Variants in TRAPPC6B observed in about 807,000 individuals in gnomAD.
TRAPPC6B encodes trafficking protein particle complex subunit 6B, also known as TRAPP complex subunit 6B.
In TRAPPC6B, 27 loss-of-function variants were observed where a neutral mutation model predicts 24.7. The ratio of observed to expected loss-of-function variants is 1.09; its 90% confidence interval spans 0.81 to 1.51. TRAPPC6B has a LOEUF of 1.51. Ranked by LOEUF, TRAPPC6B falls within the 40% of genes most tolerant of loss-of-function variation. The pLI is 0.00. For missense variants in TRAPPC6B, 212 were observed against 190.8 expected (o/e 1.11, Z -0.66); for synonymous variants, 80 against 66.6 (o/e 1.20, Z -0.98).
At chr14:39,167,990 G>C (rs1404069122) in intron 1 of TRAPPC6B, among the ~76,000 whole-genome samples, 1 of 152,158 alleles carries the variant, frequency 6.6e-6, no homozygotes, top group African/African-American at 2.4e-5. Context: ...AAGGCGGGCA[G>C]ATCACCTGAG....
chr14:39,162,916 A>G (rs575964025), intron 1 of TRAPPC6B, among the ~76,000 whole-genome samples: 2 of 143,514 alleles, frequency 1.4e-5, no homozygotes, highest in Non-Finnish European at 2.9e-5. Context: ...TGCCAGGCAC[A>G]TTCCAGGGGC....
chr14:39,151,032 T>C (rs1194776708), intron 5 of TRAPPC6B, among the ~76,000 whole-genome samples: 1 of 152,130 alleles, frequency 6.6e-6, no homozygotes, highest in East Asian at 1.9e-4. Context: ...AGACATTTAG[T>C]GATAAAAGAA....
chr14:39,161,162 G>A (rs2053054328), intron 1 of TRAPPC6B, among the ~76,000 whole-genome samples: 1 of 152,210 alleles, frequency 6.6e-6, no homozygotes, highest in Non-Finnish European at 1.5e-5. Context: ...GAAACTGCAA[G>A]TTATACTGTG....
At chr14:39,163,830 G>A (rs1370511335) in intron 1 of TRAPPC6B, among the ~76,000 whole-genome samples, 1 of 150,826 alleles carries the variant, frequency 6.6e-6, no homozygotes, top group Non-Finnish European at 1.5e-5. Flanking sequence ...GGTCCCACAG[G>A]ACCTTCGAAG....
At chr14:39,158,140 A>C (rs2053007373) in intron 3 of TRAPPC6B, 145 bp downstream of exon 3, 2 of 570,812 alleles carry the variant, frequency 3.5e-6, no homozygotes, top group East Asian at 6.1e-5. Flanking sequence ...CACTATTAGA[A>C]GAAAAAAACT....
intron 1 of TRAPPC6B, among the ~76,000 whole-genome samples, chr14:39,167,476 C>A (rs2053120195): frequency 6.6e-6 from 1 of 151,950 alleles, no homozygotes; most frequent in Admixed American, 6.6e-5. Context: ...CAGACATAAA[C>A]AACATAGTTT....
rs563117191 is a variant in TRAPPC6B at position 39,150,070 on chromosome 14, A to T, written c.*280T>A. ...AGCTTTGTTTCTCCATCTATGGCTA[A>T]ATACATATCACTCTAACCAAATAAA... On this transcript the variant is annotated 3_prime_UTR_variant, in exon 6 of 6. Transcript: ENST00000330149. 3.6e-6 allele frequency: 1 copy of T among 274,264 alleles called. No homozygotes were observed. The highest frequency in any genetic ancestry group is 2.2e-5 in the African/African-American group (1 of 45,540). 17.0% of individuals were successfully genotyped at this position (274,264 alleles called of 1,614,324 possible). A position where few individuals can be genotyped will look rare whatever the true frequency, so the allele number is the denominator to read the frequency against.
At chr14:39,169,771 A>T (rs1038936189) in intron 1 of TRAPPC6B, among the ~76,000 whole-genome samples, 10 of 152,210 alleles carry the variant, frequency 6.6e-5, no homozygotes, top group African/African-American at 2.4e-4. Context: ...CGTGCAAGAC[A>T]AACGTACGGG....
chr14:39,154,834 A>T (rs747536597), intron 3 of TRAPPC6B, among the ~76,000 whole-genome samples: 3 of 152,218 alleles, frequency 2.0e-5, no homozygotes, highest in Non-Finnish European at 4.4e-5. Context: ...TGAAGATAAA[A>T]ACACTGTCTG....
At chr14:39,158,461 T>TA in intron 2 of TRAPPC6B, 59 bp from the exon 3 acceptor site, 1 of 962,012 alleles carries the variant, frequency 1.0e-6, no homozygotes, top group East Asian at 2.5e-5. Context: ...CAAGAGGGAC[T>TA]AATTATTAAC....
At chr14:39,161,000 T>C (rs2053051766) in intron 1 of TRAPPC6B, among the ~76,000 whole-genome samples, 1 of 152,222 alleles carries the variant, frequency 6.6e-6, no homozygotes, top group African/African-American at 2.4e-5. Flanking sequence ...AAGTGGATTC[T>C]AAGTTATACA....
chr14:39,163,475 G>C (rs1816295377), intron 1 of TRAPPC6B, among the ~76,000 whole-genome samples: 1 of 150,508 alleles, frequency 6.6e-6, no homozygotes, highest in Admixed American at 6.6e-5. Flanking sequence ...TCTGGGTATG[G>C]GGCCGCTAAT....
intron 5 of TRAPPC6B, 141 bp downstream of exon 5, chr14:39,151,605 A>G: frequency 1.7e-6 from 1 of 594,694 alleles, no homozygotes. Flanking sequence ...TATGCTACAT[A>G]TTACTACACT....
At chr14:39,159,370 A>G in intron 2 of TRAPPC6B, 113 bp downstream of exon 2, 1 of 642,980 alleles carries the variant, frequency 1.6e-6, no homozygotes, top group Non-Finnish European at 2.5e-6. Context: ...AGTAAAGAGA[A>G]TAACATTCAG....
chr14:39,165,790 T>C (rs2053101982), intron 1 of TRAPPC6B, among the ~76,000 whole-genome samples: 1 of 148,584 alleles, frequency 6.7e-6, no homozygotes, highest in Non-Finnish European at 1.5e-5. Context: ...GAGCAAGACA[T>C]TGTCTCTCTC....
At chr14:39,157,194 T>G (rs2052992089) in intron 3 of TRAPPC6B, 2 of 307,288 alleles carry the variant, frequency 6.5e-6, no homozygotes, top group South Asian at 6.7e-5. Flanking sequence ...GGACAGGACA[T>G]CCACCCAATA....
At chr14:39,151,485 A>T (rs536819709) in intron 5 of TRAPPC6B, among the ~76,000 whole-genome samples, 2 of 152,168 alleles carry the variant, frequency 1.3e-5, no homozygotes, top group African/African-American at 4.8e-5. Flanking sequence ...GAATATCTTT[A>T]AAAAAGTTAC....
intron 1 of TRAPPC6B, among the ~76,000 whole-genome samples, chr14:39,161,322 G>T (rs2053056310): frequency 6.6e-6 from 1 of 152,062 alleles, no homozygotes; most frequent in African/African-American, 2.4e-5. Context: ...ATCAACTCTA[G>T]TTCCTTAATA....
rs1348177704 is a variant in TRAPPC6B at position 39,148,717 on chromosome 14, A to G, written c.*1633T>C. On this transcript the variant is annotated 3_prime_UTR_variant, in exon 6 of 6. Transcript: ENST00000330149. ...CTTTCCTAAATTTTTTCAAAATTAA[A>G]ATTTTTTCCCCAAAACATGTGAGAA... 2.5e-6 allele frequency: 1 copy of G among 398,382 alleles called. No homozygotes were observed. Among genetic ancestry groups the G allele is most frequent in the East Asian group, 3.6e-5 (1 of 28,048 alleles). The allele number at this position is 398,382 out of a possible 1,614,324, so 24.7% of individuals were successfully genotyped here.
Sources: gnomAD v4.1 joint callset for allele counts (sites outside exome capture counted in the v4.1 genomes callset) on GRCh38, gnomAD v4.1.1 for gene constraint, MANE v1.5 for transcripts, NCBI Gene and HGNC (gene_info 2026-07-23, HGNC 2026-07-21) for gene names.